KLHL1: variants seen among roughly 807,000 people sequenced by gnomAD.
KLHL1 encodes kelch like family member 1.
A neutral mutation model predicts 77.7 loss-of-function variants in KLHL1; 47 were observed. The ratio of observed to expected loss-of-function variants is 0.60; its 90% CI spans 0.48 to 0.77. The LOEUF (loss-of-function observed/expected upper bound fraction) is 0.77, where lower values mean the gene tolerates loss of function less well. Ranked by LOEUF, KLHL1 falls within the 30% of genes least tolerant of loss-of-function variation. KLHL1 has a pLI of 0.00. For synonymous variants in KLHL1, 360 were observed against 325.2 expected (o/e 1.11, Z -1.15); for missense variants, 925 against 910.8 (o/e 1.02, Z -0.20).
intron 4 of KLHL1, among the ~76,000 whole-genome samples, chr13:69,889,043 C>CATATATATAT (rs143899294): frequency 6.7e-6 from 1 of 148,388 alleles, no homozygotes; most frequent in African/African-American, 2.5e-5. Context: ...TTGCATAGGT[C>CATATATATAT]ATATATATAT....
At chr13:69,935,235 C>CACTGGTGAACTTGGTACATAGTTCACCT (rs137980259) in intron 4 of KLHL1, among the ~76,000 whole-genome samples, 10,081 of 136,470 alleles carry the variant, frequency 0.074, 829 homozygotes, top group East Asian at 0.21. Context: ...ATAGTTCACC[C>CACTGGTGAACTTGGTACATAGTTCACCT]ACTGGTGAAC....
chr13:69,974,674 T>C (rs936953178), intron 2 of KLHL1, among the ~76,000 whole-genome samples: 3 of 152,014 alleles, frequency 2.0e-5, no homozygotes, highest in African/African-American at 7.2e-5. Flanking sequence ...TTATTTAATT[T>C]ATAAGTTAAA....
At chr13:69,973,660 T>C (rs1210374179) in intron 2 of KLHL1, among the ~76,000 whole-genome samples, 1 of 151,980 alleles carries the variant, frequency 6.6e-6, no homozygotes, top group African/African-American at 2.4e-5. Flanking sequence ...AACTGTTTCA[T>C]CTTGCAAAAG....
chr13:69,787,753 C>T (rs1459332971), intron 7 of KLHL1, among the ~76,000 whole-genome samples: 1 of 152,032 alleles, frequency 6.6e-6, no homozygotes. Context: ...ATTTTCACAA[C>T]CTACTCATCT....
chr13:70,058,061 C>T (rs1171481574), intron 1 of KLHL1, among the ~76,000 whole-genome samples: 1 of 151,976 alleles, frequency 6.6e-6, no homozygotes, highest in African/African-American at 2.4e-5. Context: ...AATAAAAACA[C>T]TTAAAAATCA....
At chr13:69,918,268 C>T (rs1238017770) in intron 4 of KLHL1, among the ~76,000 whole-genome samples, 1 of 151,746 alleles carries the variant, frequency 6.6e-6, no homozygotes, top group South Asian at 2.1e-4. Flanking sequence ...AATTTTAATA[C>T]TATAGCTTCT....
chr13:69,726,348 C>T (rs1228712103), intron 8 of KLHL1, among the ~76,000 whole-genome samples: 6 of 151,792 alleles, frequency 4.0e-5, no homozygotes, highest in Admixed American at 6.6e-5. Flanking sequence ...TTCTAATTAA[C>T]GAAGAGCTCT....
At chr13:69,820,567 G>A (rs1012373019) in intron 6 of KLHL1, among the ~76,000 whole-genome samples, 6 of 152,146 alleles carry the variant, frequency 3.9e-5, no homozygotes, top group Non-Finnish European at 8.8e-5. Flanking sequence ...AATATAAAAA[G>A]GGAAAGTGAT....
intron 9 of KLHL1, among the ~76,000 whole-genome samples, chr13:69,710,183 A>C (rs1233184280): frequency 6.6e-6 from 1 of 151,870 alleles, no homozygotes; most frequent in Admixed American, 6.6e-5. Flanking sequence ...TAAGTTCTTC[A>C]AGTGAAACTC....
rs547229095 is a variant in KLHL1, at chr13:69,723,956, G to C, written c.1803-4375C>G. 4.3e-3 allele frequency among the ~76,000 whole-genome samples: 654 copies of C among 151,120 alleles called. 4 individuals are homozygous for C. The highest frequency in any genetic ancestry group is 5.8e-3 in the Non-Finnish European group (395 of 67,906). On this transcript the variant is annotated intron_variant, in intron 8 of 10. Transcript: ENST00000377844. The stretch of plus-strand genomic sequence containing the variant: ...GGGTTCAAGTGATTCTCCTGCCTCA[G>C]CCTCCCAAGTAGCTGGGACTACAGG...
chr13:69,860,384 TG>T (rs545441396), intron 5 of KLHL1, among the ~76,000 whole-genome samples: 6 of 151,972 alleles, frequency 3.9e-5, no homozygotes, highest in Non-Finnish European at 8.8e-5. Context: ...AAAAAGAGAA[TG>T]TTAGTGGCAT....
At chr13:69,802,595 A>G (rs1007353387) in intron 6 of KLHL1, among the ~76,000 whole-genome samples, 1 of 152,170 alleles carries the variant, frequency 6.6e-6, no homozygotes, top group Non-Finnish European at 1.5e-5. Context: ...TGTTATCTAT[A>G]GAATACAGAC....
intron 1 of KLHL1, among the ~76,000 whole-genome samples, chr13:70,021,233 T>C (rs1885783386): frequency 6.6e-6 from 1 of 152,074 alleles, no homozygotes; most frequent in Non-Finnish European, 1.5e-5. Context: ...TTCCATAGTT[T>C]TGCCTTTTCC....
chr13:69,733,766 C>T (rs1193648953), intron 8 of KLHL1, among the ~76,000 whole-genome samples: 1 of 152,160 alleles, frequency 6.6e-6, no homozygotes, highest in Non-Finnish European at 1.5e-5. Flanking sequence ...AGGAAAACCA[C>T]TTACAAACAC....
At chr13:69,954,296 T>C (rs1240704707) in intron 3 of KLHL1, among the ~76,000 whole-genome samples, 1 of 151,272 alleles carries the variant, frequency 6.6e-6, no homozygotes, top group Non-Finnish European at 1.5e-5. Flanking sequence ...AGTGTATAAG[T>C]ATTTTGAAAG....
chr13:70,058,735 A>T (rs1886805202), intron 1 of KLHL1, among the ~76,000 whole-genome samples: 1 of 152,242 alleles, frequency 6.6e-6, no homozygotes, highest in Non-Finnish European at 1.5e-5. Flanking sequence ...GGAACCATAA[A>T]ATAGCAAGAA....
At chr13:70,076,203 C>T (rs1019271137) in intron 1 of KLHL1, among the ~76,000 whole-genome samples, 7 of 151,654 alleles carry the variant, frequency 4.6e-5, no homozygotes, top group South Asian at 4.2e-4. Flanking sequence ...AAGGTAAAGT[C>T]GGAGGATTGA....
chr13:69,765,445 G>A (rs1216950994), intron 7 of KLHL1, among the ~76,000 whole-genome samples: 1 of 152,066 alleles, frequency 6.6e-6, no homozygotes, highest in South Asian at 2.1e-4. Context: ...CTAATTTCAG[G>A]TAAGATAATG....
intron 7 of KLHL1, among the ~76,000 whole-genome samples, chr13:69,783,537 C>T (rs1876344264): frequency 6.6e-6 from 1 of 151,824 alleles, no homozygotes; most frequent in Non-Finnish European, 1.5e-5. Flanking sequence ...ATGCAGAAGC[C>T]TCAGGAGCCG....
Sources: allele counts gnomAD v4.1 joint callset (sites outside exome capture counted in the v4.1 genomes callset), GRCh38; gene constraint gnomAD v4.1.1; transcripts MANE v1.5; gene names NCBI Gene and HGNC (gene_info 2026-07-23, HGNC 2026-07-21).